LARP4B: variants seen among roughly 807,000 people sequenced by gnomAD.
LARP4B encodes la-related protein 4B.
In LARP4B, 12 loss-of-function variants were observed where a neutral mutation model predicts 89.8. The observed-to-expected ratio is 0.13, with a 90% CI of 0.09 to 0.22. LARP4B has a LOEUF of 0.22. Among genes scored for constraint, LARP4B ranks in the 10% least tolerant of loss-of-function variants. LARP4B has a pLI of 1.00. For missense variants in LARP4B, 757 were observed against 947.7 expected (o/e 0.80, Z 2.64); for synonymous variants, 367 against 363.3 (o/e 1.01, Z -0.12).
chr10:987,799 C>T, the LARP4B span: 13 of 152,358 alleles, frequency 8.5e-5, no homozygotes, highest in African/African-American at 2.7e-4. Context: ...TCCTAAGGCA[C>T]TGCGCGGAAC....
At chr10:923,313 A>T in intron 1 of LARP4B, among the ~76,000 whole-genome samples, 1 of 152,184 alleles carries the variant, frequency 6.6e-6, no homozygotes, top group East Asian at 1.9e-4. Flanking sequence ...TGAATGGTTA[A>T]AGCAATGAAC....
At chr10:895,434 C>A (rs1308212085) in intron 1 of LARP4B, among the ~76,000 whole-genome samples, 1 of 151,464 alleles carries the variant, frequency 6.6e-6, no homozygotes, top group Non-Finnish European at 1.5e-5. Flanking sequence ...AAAGTAGGCT[C>A]ATGCCTGTAA....
rs532645572 is a variant in LARP4B at position 860,998 on chromosome 10, T to C, written c.430+2745A>G. ...GGTGAAACCCCGTCTCTACTAAAAA[T>C]ACAAACAATTAGCCGGGTGTGGTGG... On this transcript the variant is annotated intron_variant, in intron 5 of 17. Coordinates refer to ENST00000316157, the MANE Select transcript of LARP4B (RefSeq NM_015155.3). Among the ~76,000 whole-genome samples the C allele has an allele frequency of 4.6e-5, 7 of 152,098 alleles. No homozygotes were observed. The South Asian group carries it at 1.5e-3, about 32-fold the overall frequency.
intron 6 of LARP4B, among the ~76,000 whole-genome samples, chr10:844,387 A>G (rs1307896692): frequency 6.6e-6 from 1 of 152,230 alleles, no homozygotes; most frequent in Non-Finnish European, 1.5e-5. Context: ...ACAGGCTTCA[A>G]GGAGCCCCTA....
At chr10:936,822 G>C in the LARP4B span, among the ~76,000 whole-genome samples, 1 of 152,146 alleles carries the variant, frequency 6.6e-6, no homozygotes, top group Non-Finnish European at 1.5e-5. Context: ...CACTCCAATA[G>C]AAACACAATA....
At chr10:858,643 A>C (rs1185054926) in intron 5 of LARP4B, among the ~76,000 whole-genome samples, 1 of 152,242 alleles carries the variant, frequency 6.6e-6, no homozygotes, top group African/African-American at 2.4e-5. Context: ...TGATTGATGT[A>C]TCTGATCAGG....
chr10:930,415 T>C (rs1837264614), intron 1 of LARP4B, among the ~76,000 whole-genome samples: 1 of 152,214 alleles, frequency 6.6e-6, no homozygotes, highest in Admixed American at 6.5e-5. Context: ...GACAAGTTAT[T>C]GGGCATCCAC....
At chr10:978,180 T>A in the LARP4B span, among the ~76,000 whole-genome samples, 2 of 152,230 alleles carry the variant, frequency 1.3e-5, no homozygotes, top group Non-Finnish European at 2.9e-5. Flanking sequence ...TTATACAGCA[T>A]GAATTTCTGC....
intron 1 of LARP4B, among the ~76,000 whole-genome samples, chr10:927,909 T>A (rs1432571633): frequency 6.6e-6 from 1 of 152,304 alleles, no homozygotes; most frequent in East Asian, 1.9e-4. Context: ...GATAAAAGCA[T>A]ATTTAAAACT....
intron 1 of LARP4B, among the ~76,000 whole-genome samples, chr10:930,760 C>G (rs1342454709): frequency 1.3e-5 from 2 of 152,170 alleles, no homozygotes; most frequent in African/African-American, 2.4e-5. Flanking sequence ...AACAGGAAAA[C>G]AGGAGCGTTC....
At chr10:974,896 G>A in the LARP4B span, among the ~76,000 whole-genome samples, 8 of 152,252 alleles carry the variant, frequency 5.3e-5, no homozygotes, top group Non-Finnish European at 1.2e-4. Context: ...CCATTCAAGG[G>A]TCTGGGGACA....
At chr10:968,229 C>T in the LARP4B span, among the ~76,000 whole-genome samples, 1 of 152,168 alleles carries the variant, frequency 6.6e-6, no homozygotes, top group Admixed American at 6.5e-5. Context: ...CCATACTGAG[C>T]TCAAGTTGGA....
In LARP4B at chr10:812,704, T is replaced by A. The variant is rs1831802424; in HGVS notation, c.*222A>T. ...ATCAGACTTATGCATCACCTCCAGT[T>A]AAGCACCAACCTAAAATAAGGTTTG... On this transcript the variant is annotated 3_prime_UTR_variant, in exon 18 of 18. Coordinates refer to ENST00000316157, the MANE Select transcript of LARP4B (RefSeq NM_015155.3). 2.6e-6 allele frequency: 1 copy of A among 386,710 alleles called. No homozygotes were observed. The allele number at this position is 386,710 out of a possible 1,614,324, so 24.0% of individuals were successfully genotyped here.
intron 3 of LARP4B, among the ~76,000 whole-genome samples, chr10:872,753 C>A (rs147757118): frequency 6.6e-6 from 1 of 152,296 alleles, no homozygotes; most frequent in African/African-American, 2.4e-5. Context: ...ACCTTGTCGG[C>A]TGCCGTTACC....
the LARP4B span, among the ~76,000 whole-genome samples, chr10:984,682 C>CAA: frequency 1.3e-5 from 2 of 152,126 alleles, no homozygotes; most frequent in African/African-American, 2.4e-5. Flanking sequence ...ACCCCAAGTG[C>CAA]AATCCATCAT....
At chr10:861,049 G>C (rs1588926321) in intron 5 of LARP4B, among the ~76,000 whole-genome samples, 1 of 152,140 alleles carries the variant, frequency 6.6e-6, no homozygotes, top group Non-Finnish European at 1.5e-5. Context: ...CCAGCTACTG[G>C]GGAGGCTGAG....
In LARP4B at chr10:895,654, C is replaced by T. The variant is rs147411192; in HGVS notation, c.-39-9894G>A. ...CACCACTATACTCCAGCCTGGGCAA[C>T]AGAGCAAGAGTCCATCTCAAAAAAA... On this transcript the variant is annotated intron_variant, in intron 1 of 17. Coordinates refer to ENST00000316157, the MANE Select transcript of LARP4B (RefSeq NM_015155.3). Among the ~76,000 whole-genome samples the T allele has an allele frequency of 3.2e-3, 434 of 136,640 alleles. 2 individuals carry two copies. The highest frequency in any genetic ancestry group is 0.011 in the African/African-American group (396 of 36,464). 89.6% of individuals were successfully genotyped at this position (136,640 alleles called of 152,430 possible). A position where few individuals can be genotyped will look rare whatever the true frequency, so the allele number is the denominator to read the frequency against.
chr10:815,169 C>T (rs934229753), intron 15 of LARP4B, 99 bp from the exon 16 acceptor site: 8 of 1,416,252 alleles, frequency 5.6e-6, no homozygotes, highest in East Asian at 2.4e-5. Flanking sequence ...CTTGGGAGAG[C>T]AGCACAAGGA....
chr10:882,958 C>A (rs2030561757), intron 3 of LARP4B, among the ~76,000 whole-genome samples: 1 of 152,190 alleles, frequency 6.6e-6, no homozygotes, highest in African/African-American at 2.4e-5. Flanking sequence ...AACTCCTGGT[C>A]AACTATGAAG....
Sources: allele counts gnomAD v4.1 joint callset (sites outside exome capture counted in the v4.1 genomes callset), GRCh38; gene constraint gnomAD v4.1.1; transcripts MANE v1.5; gene names NCBI Gene and HGNC (gene_info 2026-07-23, HGNC 2026-07-21).